Variants in ARHGEF9 observed in about 807,000 individuals in gnomAD.
ARHGEF9 encodes rho guanine nucleotide exchange factor 9.
In ARHGEF9, 2 loss-of-function variants were observed where a neutral mutation model predicts 41.3. The observed-to-expected ratio is 0.05, with a 90% CI of 0.02 to 0.15. The LOEUF (loss-of-function observed/expected upper bound fraction) is 0.15, where lower values mean the gene tolerates loss of function less well. Among genes scored for constraint, ARHGEF9 ranks in the 10% least tolerant of loss-of-function variants. The probability of loss-of-function intolerance (pLI) is 1.00; values close to 1 mark genes in which losing one functional copy is unlikely to be tolerated. For missense variants in ARHGEF9, 225 were observed against 424.7 expected, an observed-to-expected ratio of 0.53 and a Z score of 4.13; for synonymous variants, 160 against 154.4, an observed-to-expected ratio of 1.04 and a Z score of -0.27.
intron 7 of ARHGEF9, among the ~76,000 whole-genome samples, 160 bp downstream of exon 7, chrX:63,665,726 C>A (rs1483692208): frequency 8.9e-6 from 1 of 111,967 alleles, no homozygotes; most frequent in Non-Finnish European, 1.9e-5. Context: ...GACATTCATG[C>A]CACATTAGTG....
intron 1 of ARHGEF9, among the ~76,000 whole-genome samples, chrX:63,781,022 C>T (rs1273976861): frequency 9.0e-6 from 1 of 111,497 alleles, no homozygotes; most frequent in African/African-American, 3.3e-5. Flanking sequence ...TTCTGTGTGA[C>T]CAATTGTAGT....
rs143490560 is a variant in ARHGEF9 at position 63,674,044 on chromosome X, G to C, written c.939C>G (p.Asp313Glu). The stretch of plus-strand genomic sequence containing the variant: ...TGGTTGGTAAGTTTCCTACCTCCCA[G>C]TCTAGGACAGAAGCCTGCCACTGAG... ...KIAQWQASVL[D>E]WEGEDILDRS... The change falls in exon 6 of 10, where the codon GAC becomes GAG. Residue 313 changes from aspartate to glutamate, a missense_variant. Coordinates refer to ENST00000671741, the MANE Select transcript of ARHGEF9 (RefSeq NM_001353921.2). 4.8e-4 allele frequency: 586 copies of C among 1,209,430 alleles called. No homozygotes were observed. Among genetic ancestry groups the C allele is most frequent in the Non-Finnish European group, 6.3e-4 (566 of 894,840 alleles).
chrX:63,684,663 T>C (rs1229482338), intron 4 of ARHGEF9, among the ~76,000 whole-genome samples: 4 of 110,586 alleles, frequency 3.6e-5, no homozygotes, highest in African/African-American at 1.3e-4. Context: ...AAAGAAACTG[T>C]CGGGTGTATA....
chrX:63,735,578 G>A (rs782640484), intron 1 of ARHGEF9, among the ~76,000 whole-genome samples: 2 of 111,905 alleles, frequency 1.8e-5, no homozygotes, highest in East Asian at 5.6e-4. Context: ...GGAACTAAGG[G>A]TCCTAACGTC....
chrX:63,749,854 C>T (rs782069638), intron 1 of ARHGEF9, among the ~76,000 whole-genome samples: 11 of 112,185 alleles, frequency 9.8e-5, no homozygotes, highest in Non-Finnish European at 1.7e-4. Context: ...TTTGTACTTT[C>T]GTGCTAGAGC....
chrX:63,648,489 C>CA (rs1325593324), intron 8 of ARHGEF9, among the ~76,000 whole-genome samples: 1 of 111,475 alleles, frequency 9.0e-6, no homozygotes, highest in Non-Finnish European at 1.9e-5. Context: ...CCAGCCACTG[C>CA]AAAAGCACGC....
At chrX:63,649,178 T>C (rs1362507059) in intron 8 of ARHGEF9, among the ~76,000 whole-genome samples, 2 of 111,444 alleles carry the variant, frequency 1.8e-5, no homozygotes, top group Non-Finnish European at 3.8e-5. Flanking sequence ...TATTCCAAAA[T>C]TGACCACATA....
chrX:63,754,749 G>T (rs1394959871), intron 1 of ARHGEF9: 3 of 950,771 alleles, frequency 3.2e-6, no homozygotes, highest in Non-Finnish European at 3.9e-6. Flanking sequence ...TCGGGGGAGG[G>T]GAGGGGGATG....
At chrX:63,759,027 G>A (rs1355992970) in intron 1 of ARHGEF9, among the ~76,000 whole-genome samples, 6 of 111,281 alleles carry the variant, frequency 5.4e-5, no homozygotes, top group Admixed American at 1.9e-4. Flanking sequence ...ACAGAAGGCA[G>A]GACCTGATGG....
At chrX:63,673,525 G>A (rs1429998860) in intron 6 of ARHGEF9, among the ~76,000 whole-genome samples, 2 of 110,981 alleles carry the variant, frequency 1.8e-5, no homozygotes, top group African/African-American at 3.3e-5. Context: ...TGTGAAAACT[G>A]TGGATTTGGC....
At position 63,777,537 on chromosome X, in the gene ARHGEF9, C is replaced by G. The variant is rs188319659; in HGVS notation, c.30+7579G>C. ...GTCTTAATTCACTCCAGCATTAACT[C>G]AAAAGTCCAAGTCCAAAGTCTCATC... On this transcript the variant is annotated intron_variant, in intron 1 of 9. Transcript: ENST00000671741. Among the ~76,000 whole-genome samples the G allele has an allele frequency of 2.9e-3, 325 of 111,783 alleles. 3 individuals carry two copies. The highest frequency in any genetic ancestry group is 0.01 in the African/African-American group (317 of 30,759).
intron 1 of ARHGEF9, among the ~76,000 whole-genome samples, chrX:63,751,931 G>A (rs1266629933): frequency 2.7e-5 from 3 of 109,502 alleles, no homozygotes; most frequent in African/African-American, 1.0e-4. Context: ...CAGGCTCACA[G>A]AGGAGAAGGC....
At chrX:63,742,801 C>T (rs2055039074) in intron 1 of ARHGEF9, among the ~76,000 whole-genome samples, 1 of 112,175 alleles carries the variant, frequency 8.9e-6, no homozygotes, top group Non-Finnish European at 1.9e-5. Flanking sequence ...TCTCATGTAT[C>T]CCTGGACAAT....
intron 1 of ARHGEF9, among the ~76,000 whole-genome samples, chrX:63,757,970 T>C (rs2055964812): frequency 8.9e-6 from 1 of 112,100 alleles, no homozygotes; most frequent in South Asian, 3.7e-4. Context: ...ACATGCACAG[T>C]ATTTAGAAGG....
chrX:63,774,042 ATAATATC>A (rs1285364680), intron 1 of ARHGEF9, among the ~76,000 whole-genome samples: 2 of 88,934 alleles, frequency 2.2e-5, no homozygotes, highest in Non-Finnish European at 4.4e-5. Flanking sequence ...CAAATCCATT[ATAATATC>A]TATCTATCTA....
At chrX:63,708,986 T>C (rs2052736856) in intron 2 of ARHGEF9, 1 of 112,186 alleles carries the variant, frequency 8.9e-6, no homozygotes, top group Non-Finnish European at 1.9e-5. Context: ...TGAGAGCTTA[T>C]CTGTTCTGTA....
intron 1 of ARHGEF9, among the ~76,000 whole-genome samples, chrX:63,736,381 T>TA (rs1401757075): frequency 9.0e-6 from 1 of 110,750 alleles, no homozygotes; most frequent in Admixed American, 9.7e-5. Context: ...AGGCAGCTGA[T>TA]AGAGGGATAA....
At chrX:63,645,639 T>C (rs1231004339) in intron 8 of ARHGEF9, among the ~76,000 whole-genome samples, 1 of 112,023 alleles carries the variant, frequency 8.9e-6, no homozygotes, top group South Asian at 3.7e-4. Context: ...TGTTGGACAT[T>C]TGGGTTGGTT....
At chrX:63,757,554 C>T (rs2055957483) in intron 1 of ARHGEF9, among the ~76,000 whole-genome samples, 1 of 111,251 alleles carries the variant, frequency 9.0e-6, no homozygotes, top group South Asian at 3.8e-4. Context: ...AGTTTTTTCT[C>T]TCCCTCACCT....
Sources: gnomAD v4.1 joint callset for allele counts (sites outside exome capture counted in the v4.1 genomes callset) on GRCh38, gnomAD v4.1.1 for gene constraint, MANE v1.5 for transcripts, NCBI Gene and HGNC (gene_info 2026-07-23, HGNC 2026-07-21) for gene names.